The following DNM3 variants were observed in gnomAD, a reference collection of about 807,000 sequenced individuals.
DNM3 encodes the protein dynamin-3.
A neutral mutation model predicts 101.6 loss-of-function variants in DNM3; 47 were observed. The observed-to-expected ratio is 0.46, with a 90% CI of 0.37 to 0.59. The LOEUF (loss-of-function observed/expected upper bound fraction) is 0.59. Among genes scored for constraint, DNM3 ranks in the 20% least tolerant of loss-of-function variants. DNM3 has a pLI of 0.00. For missense variants in DNM3, 849 were observed against 1,085.7 expected, an observed-to-expected ratio of 0.78 and a Z score of 3.06; for synonymous variants, 385 against 387.9, an observed-to-expected ratio of 0.99 and a Z score of 0.09.
intron 14 of DNM3, among the ~76,000 whole-genome samples, chr1:172,227,252 T>G (rs1044316693): frequency 1.1e-4 from 15 of 132,562 alleles, no homozygotes; most frequent in African/African-American, 4.2e-4. Flanking sequence ...TTTTTTTTAA[T>G]GGCTGGATAG....
chr1:172,085,591 T>C (rs924931320), intron 12 of DNM3, among the ~76,000 whole-genome samples: 19 of 152,190 alleles, frequency 1.2e-4, no homozygotes, highest in Non-Finnish European at 4.4e-5. Flanking sequence ...TGTTTTTCAA[T>C]CTGCTCAGTA....
chr1:171,851,273 C>T (rs932414462), intron 1 of DNM3, among the ~76,000 whole-genome samples: 2 of 152,158 alleles, frequency 1.3e-5, no homozygotes, highest in South Asian at 2.1e-4. Flanking sequence ...TATCATTTTC[C>T]GTAGTGCAGT....
Position 172,388,825 on chromosome 1 carries a change from G to A in DNM3, c.2522+16G>A. ...GTGTCCCAAGGTAAGGCATGGAGCAGAAATTGGGGGGGTAGTGCGCCTTGG... is the reference window on the plus strand; with the variant it reads ...GTGTCCCAAGGTAAGGCATGGAGCAAAAATTGGGGGGGTAGTGCGCCTTGG... On this transcript the variant is annotated intron_variant, in intron 20 of 20. Coordinates refer to ENST00000627582, the MANE Select transcript of DNM3 (RefSeq NM_015569.5). The A allele has an allele frequency of 6.5e-7, 1 of 1,545,480 alleles. No individual in the cohort carries two copies. The highest frequency in any genetic ancestry group is 2.4e-5 in the East Asian group (1 of 41,342).
chr1:172,144,151 C>A lies in DNM3; in HGVS notation c.1659+12863C>A, dbSNP rs560721344. 1.2e-4 allele frequency among the ~76,000 whole-genome samples: 18 copies of A among 151,268 alleles called. 1 individual carries two copies. The highest frequency in any genetic ancestry group is 4.4e-4 in the African/African-American group (18 of 41,266). On this transcript the variant is annotated intron_variant, in intron 14 of 20. Coordinates refer to ENST00000627582, the MANE Select transcript of DNM3 (RefSeq NM_015569.5). ...ATATTTCATTTTGAAGTGGGAAAAC[C>A]TTTAAGAAAACACTTGAATTATCAA...
intron 13 of DNM3, among the ~76,000 whole-genome samples, chr1:172,123,779 T>A (rs2056459031): frequency 1.3e-5 from 2 of 152,174 alleles, no homozygotes; most frequent in African/African-American, 4.8e-5. Context: ...CCCTCAGCGG[T>A]ATTGCTCCAT....
intron 14 of DNM3, among the ~76,000 whole-genome samples, chr1:172,193,064 C>T (rs2059796666): frequency 6.6e-6 from 1 of 151,768 alleles, no homozygotes; most frequent in African/African-American, 2.4e-5. Context: ...TTAATGATTG[C>T]CATTCTAACT....
intron 10 of DNM3, among the ~76,000 whole-genome samples, chr1:172,050,902 ATTTTATCCAACCTAC>A (rs1044542815): frequency 1.3e-5 from 2 of 151,612 alleles, no homozygotes; most frequent in African/African-American, 4.8e-5. Flanking sequence ...ATCATTTCCC[ATTTTATCCAACCTAC>A]TGGAAAGCCA....
rs565414339 is a variant in DNM3, at chr1:172,160,306, C to T, written c.1659+29018C>T. ...TACTGTAACATTTTTACTTTATAAA[C>T]TTTCAAATTTTTAAAAACTTCTTGA... is the stretch of plus-strand genomic sequence containing the variant. On this transcript the variant is annotated intron_variant, in intron 14 of 20. Transcript: ENST00000627582. Among the ~76,000 whole-genome samples, 38 of 152,060 alleles carry T rather than the reference C, an allele frequency of 2.5e-4. No homozygotes were observed. The Middle Eastern group carries it at 0.01, about 41-fold the overall frequency.
intron 14 of DNM3, among the ~76,000 whole-genome samples, chr1:172,168,904 A>T (rs775475312): frequency 2.0e-5 from 3 of 151,970 alleles, no homozygotes; most frequent in Non-Finnish European, 2.9e-5. Context: ...GTAAAAGATT[A>T]TCAAGAAGGG....
At chr1:172,014,492 A>G (rs1161267613) in intron 4 of DNM3, among the ~76,000 whole-genome samples, 1 of 152,118 alleles carries the variant, frequency 6.6e-6, no homozygotes, top group Non-Finnish European at 1.5e-5. Context: ...TAGCCATTCT[A>G]ATAGGTGTGT....
chr1:172,199,440 G>T (rs926649457), intron 14 of DNM3, among the ~76,000 whole-genome samples: 1 of 151,952 alleles, frequency 6.6e-6, no homozygotes. Context: ...TGTCCATGTC[G>T]AGTTTAGGTT....
At chr1:172,215,102 G>A (rs527558562) in intron 14 of DNM3, among the ~76,000 whole-genome samples, 295 of 152,110 alleles carry the variant, frequency 1.9e-3, no homozygotes, top group African/African-American at 6.5e-3. Flanking sequence ...ACGAGTGTTC[G>A]GATATTTCAG....
chr1:171,978,097 C>A (rs1478416419), intron 2 of DNM3, among the ~76,000 whole-genome samples: 1 of 152,054 alleles, frequency 6.6e-6, no homozygotes, highest in Non-Finnish European at 1.5e-5. Context: ...ATCAATTCTA[C>A]AAATATGCAA....
At chr1:172,125,954 C>T (rs1402305652) in intron 13 of DNM3, among the ~76,000 whole-genome samples, 2 of 152,082 alleles carry the variant, frequency 1.3e-5, no homozygotes, top group African/African-American at 2.4e-5. Context: ...TCTGTTCCCA[C>T]TTACTTTCCT....
intron 14 of DNM3, among the ~76,000 whole-genome samples, chr1:172,203,413 C>T (rs924409355): frequency 2.6e-5 from 4 of 152,242 alleles, no homozygotes; most frequent in Non-Finnish European, 1.5e-5. Flanking sequence ...GGTTTTTGGT[C>T]GCTGAACTGC....
At position 171,883,369 on chromosome 1, in the gene DNM3, AC is replaced by A. The variant is rs1214659146; in HGVS notation, c.162-38378del. On this transcript the variant is annotated intron_variant, in intron 1 of 20. Transcript: ENST00000627582. ...CTAAAAAAACAAAAAAGGACCACAC[AC>A]ACACACACACACACACACACACACA... 1.6e-3 allele frequency among the ~76,000 whole-genome samples: 28 copies of A among 17,430 alleles called. No homozygotes were observed. The South Asian group carries it at 0.061, about 38-fold the overall frequency. The allele number at this position is 17,430 out of a possible 152,430, so 11.4% of individuals were successfully genotyped here. A position where few individuals can be genotyped will look rare whatever the true frequency, so the allele number is the denominator to read the frequency against.
intron 15 of DNM3, 71 bp from the exon 16 acceptor site, chr1:172,308,657 C>T: frequency 1.4e-6 from 1 of 726,638 alleles, no homozygotes; most frequent in South Asian, 3.4e-5. Flanking sequence ...TCATCATCGT[C>T]TACAGCAACA....
At chr1:171,843,040 TTTC>T (rs1392548704) in intron 1 of DNM3, among the ~76,000 whole-genome samples, 1 of 152,226 alleles carries the variant, frequency 6.6e-6, no homozygotes, top group African/African-American at 2.4e-5. Flanking sequence ...CTGTTCCTTT[TTTC>T]TTTTTTTGTT....
At chr1:172,342,179 C>G (rs903467803) in intron 17 of DNM3, among the ~76,000 whole-genome samples, 2 of 152,136 alleles carry the variant, frequency 1.3e-5, no homozygotes, top group African/African-American at 4.8e-5. Flanking sequence ...ATTAGTTCAA[C>G]CATTGTGGAA....
Sources: allele counts gnomAD v4.1 joint callset (sites outside exome capture counted in the v4.1 genomes callset), GRCh38; gene constraint gnomAD v4.1.1; transcripts MANE v1.5; gene names NCBI Gene and HGNC (gene_info 2026-07-23, HGNC 2026-07-21).